Variants in PTGIS observed in about 807,000 individuals in gnomAD.
The protein encoded by PTGIS is prostaglandin I2 synthase.
Under a neutral mutation model 50.3 loss-of-function variants are expected in PTGIS, and 45 were observed. That is an observed-to-expected ratio of 0.90 (90% CI 0.70 to 1.15). The LOEUF is 1.15. Among genes scored for constraint, PTGIS ranks in the 50% most tolerant of loss-of-function variants. PTGIS has a pLI of 0.00. For synonymous variants in PTGIS, 260 were observed against 267.7 expected, an observed-to-expected ratio of 0.97 and a Z score of 0.28; for missense variants, 668 against 661.3, an observed-to-expected ratio of 1.01 and a Z score of -0.11.
rs992730299 is a variant in PTGIS, at chr20:49,509,788, CT to C, written c.1358+1239del. Among the ~76,000 whole-genome samples the C allele has an allele frequency of 3.5e-4, 51 of 145,972 alleles. 1 individual carries two copies. In the South Asian group the frequency reaches 4.6e-3, roughly 13 times the overall value. On this transcript the variant is annotated intron_variant, in intron 9 of 9. Coordinates refer to ENST00000244043, the MANE Select transcript of PTGIS (RefSeq NM_000961.4). ...TTTTACTGGGTTCTTCTCTCTCTCT[CT>C]TTTTTTTTTATTATGTCACTGATGA...
At chr20:49,549,979 G>T in intron 2 of PTGIS, 87 bp downstream of exon 2, 1 of 1,604,530 alleles carries the variant, frequency 6.2e-7, no homozygotes, top group South Asian at 1.1e-5. Flanking sequence ...GGTTGGCATA[G>T]GGACATATGT....
At chr20:49,537,918 T>G (rs943599323) in intron 5 of PTGIS, among the ~76,000 whole-genome samples, 2 of 151,990 alleles carry the variant, frequency 1.3e-5, no homozygotes, top group African/African-American at 4.8e-5. Flanking sequence ...ATAAACAAAT[T>G]GTGGCATATT....
intron 1 of PTGIS, among the ~76,000 whole-genome samples, chr20:49,556,829 G>C (rs1982631658): frequency 6.6e-6 from 1 of 150,982 alleles, no homozygotes; most frequent in African/African-American, 2.4e-5. Context: ...AATTCTCCTG[G>C]CTCCAAGTCT....
At chr20:49,535,182 G>A (rs982263330) in intron 5 of PTGIS, among the ~76,000 whole-genome samples, 2 of 152,166 alleles carry the variant, frequency 1.3e-5, no homozygotes, top group African/African-American at 4.8e-5. Context: ...ACCCACCTCT[G>A]CCCATCAGAT....
At position 49,513,127 on chromosome 20, in the gene PTGIS, G is replaced by C. The variant is rs765928652; in HGVS notation, c.1159C>G (p.Pro387Ala). The change falls in exon 8 of 10, where the codon CCC becomes GCC. Residue 387 changes from proline (P) to alanine (A), a missense_variant. Transcript: ENST00000244043. ...GGGTCTCTCTGGGGGCTCAGGAAGGGGAAGAGGAGGAGGCGGTCACCACGT... is the reference window on the plus strand; with the variant it reads ...GGGTCTCTCTGGGGGCTCAGGAAGGCGAAGAGGAGGAGGCGGTCACCACGT... ...LRRGDRLLLF[P>A]FLSPQRDPEI... is the part of the protein sequence containing the mutation. 3 of 1,614,026 alleles carry C rather than the reference G, an allele frequency of 1.9e-6. No homozygotes were observed. Among genetic ancestry groups the C allele is most frequent in the Non-Finnish European group, 2.5e-6 (3 of 1,180,032 alleles).
intron 5 of PTGIS, among the ~76,000 whole-genome samples, chr20:49,525,720 C>T (rs1981777891): frequency 6.6e-6 from 1 of 151,808 alleles, no homozygotes; most frequent in Non-Finnish European, 1.5e-5. Context: ...ATTTGGTTTT[C>T]TCCGAAATCA....
intron 1 of PTGIS, among the ~76,000 whole-genome samples, 169 bp downstream of exon 1, chr20:49,567,874 C>T (rs902114756): frequency 2.0e-5 from 3 of 152,218 alleles, no homozygotes; most frequent in African/African-American, 7.2e-5. Flanking sequence ...CTGGCCCCCT[C>T]ACCCACGTGC....
At chr20:49,553,339 A>C (rs1001276744) in intron 1 of PTGIS, among the ~76,000 whole-genome samples, 2 of 152,122 alleles carry the variant, frequency 1.3e-5, no homozygotes, top group Admixed American at 6.5e-5. Flanking sequence ...GGCAAAAAAC[A>C]AAAAACACAC....
intron 1 of PTGIS, among the ~76,000 whole-genome samples, chr20:49,558,521 A>C (rs568353633): frequency 6.6e-6 from 1 of 152,304 alleles, no homozygotes; most frequent in South Asian, 2.1e-4. Flanking sequence ...CAAAACGTCA[A>C]GCATAGACTT....
chr20:49,537,796 G>A (rs1982118573), intron 5 of PTGIS, among the ~76,000 whole-genome samples: 2 of 151,990 alleles, frequency 1.3e-5, no homozygotes, highest in South Asian at 4.1e-4. Context: ...CAGGCCAACA[G>A]CTAAAAGAAA....
chr20:49,524,952 C>G (rs572673254), intron 5 of PTGIS, among the ~76,000 whole-genome samples: 4 of 152,324 alleles, frequency 2.6e-5, no homozygotes, highest in African/African-American at 9.6e-5. Context: ...AATGGTAGTT[C>G]TTTCCAGAGC....
chr20:49,527,874 G>C (rs578242874), intron 5 of PTGIS, among the ~76,000 whole-genome samples: 1 of 151,738 alleles, frequency 6.6e-6, no homozygotes, highest in African/African-American at 2.4e-5. Flanking sequence ...AGTGGCTCAC[G>C]CATGTAATCC....
intron 6 of PTGIS, 129 bp from the exon 7 acceptor site, chr20:49,514,524 C>A (rs567361096): frequency 1.8e-6 from 2 of 1,131,476 alleles, no homozygotes; most frequent in East Asian, 5.1e-5. Flanking sequence ...AACACCCAGG[C>A]ATGACCAGTG....
intron 1 of PTGIS, among the ~76,000 whole-genome samples, chr20:49,561,322 C>G (rs1360262357): frequency 2.0e-5 from 3 of 152,140 alleles, no homozygotes; most frequent in African/African-American, 7.2e-5. Flanking sequence ...ATTTGAGGGC[C>G]TAGGAAGTGC....
At chr20:49,541,150 C>T (rs56396761) in intron 4 of PTGIS, among the ~76,000 whole-genome samples, 7 of 152,208 alleles carry the variant, frequency 4.6e-5, no homozygotes, top group Non-Finnish European at 7.3e-5. Context: ...TTTGGGGAAA[C>T]TCACACAAAA....
chr20:49,555,551 T>C (rs577143201), intron 1 of PTGIS, among the ~76,000 whole-genome samples: 15 of 152,316 alleles, frequency 9.8e-5, no homozygotes, highest in East Asian at 3.9e-4. Context: ...AAATATGAAA[T>C]GGTGTTTAAT....
intron 5 of PTGIS, among the ~76,000 whole-genome samples, chr20:49,538,367 C>T (rs1982136440): frequency 6.6e-6 from 1 of 150,758 alleles, no homozygotes; most frequent in South Asian, 2.1e-4. Context: ...AGTTCAAGAC[C>T]AGTATAGGTA....
At chr20:49,521,196 G>A (rs774708619) in intron 6 of PTGIS, among the ~76,000 whole-genome samples, 14 of 152,242 alleles carry the variant, frequency 9.2e-5, no homozygotes, top group East Asian at 7.7e-4. Context: ...GTCTTGAAAC[G>A]GGTGCTACCA....
chr20:49,515,683 T>C (rs76598498), intron 6 of PTGIS, among the ~76,000 whole-genome samples: 4,162 of 152,260 alleles, frequency 0.027, 181 homozygotes, highest in African/African-American at 0.095. Flanking sequence ...CAATAAGAGA[T>C]CAATGAGATC....
Sources: allele counts gnomAD v4.1 joint callset (sites outside exome capture counted in the v4.1 genomes callset), GRCh38; gene constraint gnomAD v4.1.1; transcripts MANE v1.5; gene names NCBI Gene and HGNC (gene_info 2026-07-23, HGNC 2026-07-21).